MIGA1: variants seen among roughly 807,000 people sequenced by gnomAD.
The protein encoded by MIGA1 is family with sequence similarity 73, member A.
A neutral mutation model predicts 82.0 loss-of-function variants in MIGA1; 58 were observed. The observed-to-expected ratio is 0.71, with a 90% CI of 0.57 to 0.88. The LOEUF (loss-of-function observed/expected upper bound fraction) is 0.88, where lower values mean the gene tolerates loss of function less well. MIGA1 is among the 40% of genes least tolerant of loss of function. The pLI is 0.00. For synonymous variants in MIGA1, 249 were observed against 253.6 expected (o/e 0.98, Z 0.17); for missense variants, 751 against 749.1 (o/e 1.00, Z -0.03).
chr1:77,843,690 A>G (rs982972930), intron 8 of MIGA1, among the ~76,000 whole-genome samples: 3 of 152,122 alleles, frequency 2.0e-5, no homozygotes, highest in Admixed American at 6.5e-5. Context: ...ATGGAAAGCA[A>G]TTTTTCAACT....
At chr1:77,848,225 C>G in intron 8 of MIGA1, 2 of 1,428,552 alleles carry the variant, frequency 1.4e-6, no homozygotes, top group Non-Finnish European at 2.0e-6. Flanking sequence ...GGAAGATAAA[C>G]TAAGGGCGAG....
intron 8 of MIGA1, chr1:77,847,988 T>C (rs1471113717): frequency 8.2e-7 from 1 of 1,225,396 alleles, no homozygotes; most frequent in Non-Finnish European, 1.2e-6. Context: ...ACCACAGGAA[T>C]CAAAACCACT....
intron 14 of MIGA1, among the ~76,000 whole-genome samples, chr1:77,871,747 G>T (rs1406217408): frequency 6.6e-6 from 1 of 152,052 alleles, no homozygotes; most frequent in African/African-American, 2.4e-5. Flanking sequence ...ACAATTAAAT[G>T]CTTAAATAAT....
chr1:77,871,436 A>G (rs1646832993), intron 14 of MIGA1, among the ~76,000 whole-genome samples: 1 of 151,902 alleles, frequency 6.6e-6, no homozygotes, highest in Admixed American at 6.6e-5. Context: ...CGGGAGGCAG[A>G]GGTTGCAGTG....
chr1:77,876,147 T>G lies in MIGA1; in HGVS notation c.*1083T>G, dbSNP rs1646892255. Reference sequence around the variant, plus strand: ...GACTCTGTCTCAAAAAATAAATTAATTAAATTAAATTAATTAGTTGGGTGT... The same window carrying G: ...GACTCTGTCTCAAAAAATAAATTAAGTAAATTAAATTAATTAGTTGGGTGT... On this transcript the variant is annotated 3_prime_UTR_variant, in exon 16 of 16. Coordinates refer to ENST00000370791, the MANE Select transcript of MIGA1 (RefSeq NM_198549.4). 1 of 151,476 alleles carries G rather than the reference T, an allele frequency of 6.6e-6. No individual in the cohort carries two copies. The highest frequency in any genetic ancestry group is 2.4e-5 in the African/African-American group (1 of 41,180). The allele number at this position is 151,476 out of a possible 1,614,324, so 9.4% of individuals were successfully genotyped here.
At chr1:77,874,530 C>A (rs1646878611) in intron 15 of MIGA1, among the ~76,000 whole-genome samples, 1 of 152,114 alleles carries the variant, frequency 6.6e-6, no homozygotes, top group African/African-American at 2.4e-5. Context: ...ACAGGCACTT[C>A]TTATAGATTA....
chr1:77,827,776 C>T (rs1380273612), intron 7 of MIGA1, among the ~76,000 whole-genome samples: 1 of 152,130 alleles, frequency 6.6e-6, no homozygotes, highest in East Asian at 1.9e-4. Flanking sequence ...TCAGCATTAG[C>T]CAAGTTACTC....
At chr1:77,820,594 G>A (rs1277443614) in intron 7 of MIGA1, among the ~76,000 whole-genome samples, 2 of 152,110 alleles carry the variant, frequency 1.3e-5, no homozygotes, top group South Asian at 4.1e-4. Flanking sequence ...TTTACCTCTA[G>A]AATCTTAGGC....
chr1:77,853,397 GTATTGGTTGAAAGA>G (rs1019157681), intron 8 of MIGA1: 1 of 159,776 alleles, frequency 6.3e-6, no homozygotes, highest in African/African-American at 2.4e-5. Context: ...CCCTGACCAA[GTATTGGTTGAAAGA>G]TGTGCTGCAG....
rs1444839326 is a variant in MIGA1 at position 77,878,641 on chromosome 1, A to T, written c.*3577A>T. 1 of 322,030 alleles carries T rather than the reference A, an allele frequency of 3.1e-6. No homozygotes were observed. Among genetic ancestry groups the T allele is most frequent in the Non-Finnish European group, 5.6e-6 (1 of 177,026 alleles). The allele number at this position is 322,030 out of a possible 1,614,324, so 19.9% of individuals were successfully genotyped here. A position where few individuals can be genotyped will look rare whatever the true frequency, so the allele number is the denominator to read the frequency against. ...CTGAGAAAATATCCTTTTTTCTAGAAGAAAGAAGATAAATTTTGAGGCAAT... is the reference window on the plus strand; with the variant it reads ...CTGAGAAAATATCCTTTTTTCTAGATGAAAGAAGATAAATTTTGAGGCAAT... On this transcript the variant is annotated 3_prime_UTR_variant, in exon 16 of 16. Coordinates refer to ENST00000370791, the MANE Select transcript of MIGA1 (RefSeq NM_198549.4).
At chr1:77,803,141 A>G (rs1682953306) in intron 3 of MIGA1, 129 bp from the exon 4 acceptor site, 2 of 434,142 alleles carry the variant, frequency 4.6e-6, no homozygotes, top group Admixed American at 8.7e-5. Flanking sequence ...AATAATTTAC[A>G]CAAGTGAGTG....
intron 2 of MIGA1, among the ~76,000 whole-genome samples, chr1:77,791,634 G>C (rs1017271688): frequency 9.4e-5 from 14 of 148,206 alleles, no homozygotes; most frequent in Non-Finnish European, 1.5e-4. Flanking sequence ...TGTGATCTTG[G>C]CTCATTGCAA....
intron 14 of MIGA1, among the ~76,000 whole-genome samples, chr1:77,869,946 G>A (rs1246156277): frequency 2.9e-5 from 4 of 137,490 alleles, no homozygotes; most frequent in Non-Finnish European, 6.4e-5. Context: ...CGGACGGGGC[G>A]GCTGGCCGGG....
chr1:77,869,061 C>T (rs534697833), intron 14 of MIGA1, among the ~76,000 whole-genome samples: 12 of 151,694 alleles, frequency 7.9e-5, no homozygotes, highest in African/African-American at 2.7e-4. Flanking sequence ...ACAAAGGTCT[C>T]TGGTTTTCCT....
chr1:77,862,566 C>T (rs971957637), intron 12 of MIGA1, among the ~76,000 whole-genome samples: 4 of 152,074 alleles, frequency 2.6e-5, no homozygotes, highest in Non-Finnish European at 5.9e-5. Context: ...GCCTGACCAA[C>T]ATGGTGAAAC....
chr1:77,869,800 C>T lies in MIGA1; in HGVS notation c.1564-3204C>T, dbSNP rs867134511. Among the ~76,000 whole-genome samples the T allele has an allele frequency of 7.9e-5, 9 of 113,514 alleles. No homozygotes were observed. In the South Asian group the frequency reaches 2.9e-3, roughly 37 times the overall value. The allele number at this position is 113,514 out of a possible 152,430, so 74.5% of individuals were successfully genotyped here. A position where few individuals can be genotyped will look rare whatever the true frequency, so the allele number is the denominator to read the frequency against. On this transcript the variant is annotated intron_variant, in intron 14 of 15. Coordinates refer to ENST00000370791, the MANE Select transcript of MIGA1 (RefSeq NM_198549.4). ...CCGGGCAGAGGGGCTCCTCACTTCCCAGTAGGGGCGGCCGGGCAGAGGCGC... is the reference window on the plus strand; with the variant it reads ...CCGGGCAGAGGGGCTCCTCACTTCCTAGTAGGGGCGGCCGGGCAGAGGCGC...
At chr1:77,845,968 T>C (rs963262188) in intron 8 of MIGA1, among the ~76,000 whole-genome samples, 24 of 149,164 alleles carry the variant, frequency 1.6e-4, no homozygotes, top group Admixed American at 3.3e-4. Flanking sequence ...TTTTTTTAAA[T>C]ATAGCTTTCT....
At chr1:77,859,928 A>T in intron 10 of MIGA1, 112 bp from the exon 11 acceptor site, 1 of 662,898 alleles carries the variant, frequency 1.5e-6, no homozygotes, top group Non-Finnish European at 2.6e-6. Context: ...CTGTTGAAAT[A>T]GCACCACATG....
intron 8 of MIGA1, chr1:77,848,309 G>A: frequency 9.2e-6 from 12 of 1,306,556 alleles, no homozygotes. Context: ...AAGAGAACAA[G>A]AAAGAGAGAC....
Sources: allele counts gnomAD v4.1 joint callset (sites outside exome capture counted in the v4.1 genomes callset), GRCh38; gene constraint gnomAD v4.1.1; transcripts MANE v1.5; gene names NCBI Gene and HGNC (gene_info 2026-07-23, HGNC 2026-07-21).